Variants in NR1D2 observed in about 807,000 individuals in gnomAD.
The protein encoded by NR1D2 is nuclear receptor subfamily 1 group D member 2, also known as V-erbA-related protein 1-related.
In NR1D2, 25 loss-of-function variants were observed where a neutral mutation model predicts 52.2. The observed-to-expected ratio is 0.48, with a 90% CI of 0.35 to 0.67. NR1D2 has a LOEUF of 0.67. NR1D2 is among the 30% of genes least tolerant of loss of function. NR1D2 has a pLI of 0.01. For missense variants in NR1D2, 681 were observed against 707.2 expected, an observed-to-expected ratio of 0.96 and a Z score of 0.42; for synonymous variants, 259 against 230.1, an observed-to-expected ratio of 1.13 and a Z score of -1.14.
chr3:23,956,373 T>A (rs1412199774), intron 3 of NR1D2, among the ~76,000 whole-genome samples: 1 of 152,258 alleles, frequency 6.6e-6, no homozygotes, highest in Admixed American at 6.5e-5. Flanking sequence ...TTAAACATAC[T>A]TATTGTGTTA....
chr3:23,963,962 C>T (rs1220105166), intron 5 of NR1D2, among the ~76,000 whole-genome samples: 1 of 149,946 alleles, frequency 6.7e-6, no homozygotes, highest in Non-Finnish European at 1.5e-5. Context: ...CCTATTTTCC[C>T]TCACGCAGTC....
chr3:23,947,811 G>T (rs1270706398), intron 1 of NR1D2, among the ~76,000 whole-genome samples: 1 of 152,162 alleles, frequency 6.6e-6, no homozygotes, highest in African/African-American at 2.4e-5. Context: ...GTAAGCAGGA[G>T]GTCTAATAAG....
At chr3:23,959,075 C>G (rs1706163312) in intron 3 of NR1D2, among the ~76,000 whole-genome samples, 1 of 152,114 alleles carries the variant, frequency 6.6e-6, no homozygotes, top group South Asian at 2.1e-4. Context: ...CAAGACCAGC[C>G]TAGGCAACAT....
chr3:23,969,285 G>A (rs1047115093), intron 7 of NR1D2, among the ~76,000 whole-genome samples: 1 of 151,732 alleles, frequency 6.6e-6, no homozygotes, highest in Admixed American at 6.6e-5. Flanking sequence ...GAGACTCCGT[G>A]TTAAAAAACA....
Position 23,977,907 on chromosome 3 carries a change from T to G in NR1D2, c.*488T>G, listed in dbSNP as rs2125301146. 6.6e-6 allele frequency: 1 copy of G among 152,438 alleles called. No individual in the cohort carries two copies. Among genetic ancestry groups the G allele is most frequent in the Non-Finnish European group, 1.5e-5 (1 of 68,124 alleles). 9.4% of individuals were successfully genotyped at this position (152,438 alleles called of 1,614,324 possible). On this transcript the variant is annotated 3_prime_UTR_variant, in exon 8 of 8. Coordinates refer to ENST00000312521, the MANE Select transcript of NR1D2 (RefSeq NM_005126.5). ...ATGTCTGTATTTACTCTACCACTGC[T>G]AAAGTGTGTGGTCCTGGGTAGTTTA...
intron 1 of NR1D2, among the ~76,000 whole-genome samples, chr3:23,947,776 T>G (rs373276063): frequency 6.6e-6 from 1 of 151,770 alleles, no homozygotes; most frequent in Non-Finnish European, 1.5e-5. Flanking sequence ...TTACCCACCA[T>G]GTTTACAGTT....
At position 23,967,825 on chromosome 3, in the gene NR1D2, C is replaced by A. The variant is rs539276046; in HGVS notation, c.1345C>A (p.Arg449=). Reference sequence around the variant, plus strand: ...TTTCTTTTTCCAGGTTTTAATGGTACGGTTCGCATCATTATTTGATGCAAA... The same window carrying A: ...TTTCTTTTTCCAGGTTTTAATGGTAAGGTTCGCATCATTATTTGATGCAAA... ...KAGTFEVLMV[R]FASLFDAKER... is the part of the protein sequence containing the mutation. The change falls in exon 7 of 8, where the codon CGG becomes AGG. Residue 449 remains arginine, a synonymous_variant. Coordinates refer to ENST00000312521, the MANE Select transcript of NR1D2 (RefSeq NM_005126.5). 257 of 1,612,948 alleles carry A rather than the reference C, an allele frequency of 1.6e-4. 2 individuals are homozygous for A. In the South Asian group the frequency reaches 2.6e-3, roughly 16 times the overall value.
Position 23,977,326 on chromosome 3 carries a change from T to C in NR1D2, c.1647T>C (p.Ser549=), listed in dbSNP as rs769701467. 1.1e-5 allele frequency: 17 copies of C among 1,613,050 alleles called. No homozygotes were observed. In the East Asian group the frequency reaches 3.8e-4, roughly 36 times the overall value. Residue 549 remains serine (S), a synonymous_variant, in exon 8 of 8, where the codon TCT becomes TCC. Coordinates refer to ENST00000312521, the MANE Select transcript of NR1D2 (RefSeq NM_005126.5). ...LIMKNHPNEA[S]IFTKLLLKLP... Reference sequence around the variant, plus strand: ...TGAAAAACCATCCAAATGAGGCCTCTATTTTTACAAAACTGCTTCTAAAGT... The same window carrying C: ...TGAAAAACCATCCAAATGAGGCCTCCATTTTTACAAAACTGCTTCTAAAGT...
intron 3 of NR1D2, among the ~76,000 whole-genome samples, chr3:23,958,519 T>C (rs1213429548): frequency 6.6e-6 from 1 of 151,978 alleles, no homozygotes; most frequent in Non-Finnish European, 1.5e-5. Context: ...CACATGTCTG[T>C]AGTCCCAGCT....
At chr3:23,961,645 C>T (rs370669600) in intron 4 of NR1D2, among the ~76,000 whole-genome samples, 8 of 152,072 alleles carry the variant, frequency 5.3e-5, no homozygotes, top group African/African-American at 1.7e-4. Flanking sequence ...GTCCACCTGC[C>T]TCAGCCTCCC....
At chr3:23,959,873 C>T (rs1031414727) in intron 4 of NR1D2, 58 bp downstream of exon 4, 18 of 1,505,036 alleles carry the variant, frequency 1.2e-5, no homozygotes, top group African/African-American at 1.4e-5. Context: ...TTTTATTCCT[C>T]ATCATGAACC....
At chr3:23,949,209 A>G (rs1705859448) in intron 1 of NR1D2, among the ~76,000 whole-genome samples, 1 of 152,112 alleles carries the variant, frequency 6.6e-6, no homozygotes, top group South Asian at 2.1e-4. Flanking sequence ...TACTAAAAAT[A>G]CAAAAATTAG....
At chr3:23,954,357 G>C (rs1239014756) in intron 1 of NR1D2, among the ~76,000 whole-genome samples, 180 bp from the exon 2 acceptor site, 1 of 152,162 alleles carries the variant, frequency 6.6e-6, no homozygotes, top group Non-Finnish European at 1.5e-5. Flanking sequence ...TTTGAACTTT[G>C]CGGAAGCAGG....
chr3:23,945,466 G>A lies in NR1D2; in HGVS notation c.-113G>A. 1 of 531,058 alleles carries A rather than the reference G, an allele frequency of 1.9e-6. No individual in the cohort carries two copies. The highest frequency in any genetic ancestry group is 2.5e-6 in the Non-Finnish European group (1 of 399,270). The allele number at this position is 531,058 out of a possible 1,614,324, so 32.9% of individuals were successfully genotyped here. ...CCCCGCCCGCTCTGCCCATGAGGGGGCCCCGCGACCACCGCTGCTTCCAGC... is the reference window on the plus strand; with the variant it reads ...CCCCGCCCGCTCTGCCCATGAGGGGACCCCGCGACCACCGCTGCTTCCAGC... On this transcript the variant is annotated 5_prime_UTR_variant, in exon 1 of 8. Transcript: ENST00000312521.
chr3:23,945,989 G>T, intron 1 of NR1D2: 1 of 555,548 alleles, frequency 1.8e-6, no homozygotes, highest in South Asian at 7.5e-5. Context: ...TCGGCTCCCT[G>T]ACCCACATTC....
At chr3:23,959,927 G>A in intron 4 of NR1D2, 112 bp downstream of exon 4, 1 of 953,440 alleles carries the variant, frequency 1.0e-6, no homozygotes, top group Non-Finnish European at 1.5e-6. Context: ...TATTTAAGGT[G>A]AAGCAGAAAA....
At chr3:23,955,268 C>T (rs563315791) in intron 2 of NR1D2, among the ~76,000 whole-genome samples, 1 of 152,320 alleles carries the variant, frequency 6.6e-6, no homozygotes, top group Admixed American at 6.5e-5. Flanking sequence ...TAAATTGACA[C>T]AGCTGCCTGT....
At chr3:23,959,559 A>C in intron 3 of NR1D2, 112 bp from the exon 4 acceptor site, 1 of 923,136 alleles carries the variant, frequency 1.1e-6, no homozygotes, top group Non-Finnish European at 1.6e-6. Context: ...ATAGTGAGTC[A>C]TATACTGGGA....
rs73822608 is a variant in NR1D2, at chr3:23,963,281, A to T, written c.1146+676A>T. ...AAAACAGCAGTACCACACCATTTCC[A>T]GTTTAAACCATGAAGTCCTTTGATA... On this transcript the variant is annotated intron_variant, in intron 5 of 7. Transcript: ENST00000312521. The T allele has an allele frequency of 2.7e-3, 3,662 of 1,351,770 alleles. 98 individuals carry two copies. In the African/African-American group the frequency reaches 0.05, roughly 18 times the overall value. The allele number at this position is 1,351,770 out of a possible 1,614,324, so 83.7% of individuals were successfully genotyped here. A position where few individuals can be genotyped will look rare whatever the true frequency, so the allele number is the denominator to read the frequency against.
Sources: allele counts gnomAD v4.1 joint callset (sites outside exome capture counted in the v4.1 genomes callset), GRCh38; gene constraint gnomAD v4.1.1; transcripts MANE v1.5; gene names NCBI Gene and HGNC (gene_info 2026-07-23, HGNC 2026-07-21).